The following MMS22L variants were observed in gnomAD, a reference collection of about 807,000 sequenced individuals.
MMS22L encodes the protein protein MMS22-like.
Under a neutral mutation model 159.1 loss-of-function variants are expected in MMS22L, and 74 were observed. That is an observed-to-expected ratio of 0.47 (90% CI 0.39 to 0.56). MMS22L has a LOEUF of 0.56. Ranked by LOEUF, MMS22L falls within the 20% of genes least tolerant of loss-of-function variation. The pLI is 0.00. For synonymous variants in MMS22L, 517 were observed against 506.9 expected (o/e 1.02, Z -0.27); for missense variants, 1,351 against 1,422.1 (o/e 0.95, Z 0.80).
At position 97,145,551 on chromosome 6, in the gene MMS22L, G is replaced by C. The variant is rs933962564; in HGVS notation, c.*1255C>G. The C allele has an allele frequency of 6.6e-6, 1 of 152,186 alleles. No individual in the cohort carries two copies. 9.4% of individuals were successfully genotyped at this position (152,186 alleles called of 1,614,324 possible). ...CATCTGGGACATATCATTAGAGAAA[G>C]ATAAAATTGAGAGGTGTTCTTTGCC... On this transcript the variant is annotated 3_prime_UTR_variant, in exon 25 of 25. Transcript: ENST00000683635.
intron 8 of MMS22L, chr6:97,263,715 T>A (rs984256229): frequency 4.4e-6 from 1 of 225,226 alleles, no homozygotes; most frequent in African/African-American, 2.3e-5. Flanking sequence ...TCTCTTTTTT[T>A]TTTCTTTTTG....
upstream of MMS22L, chr6:97,283,635 A>C (rs1278573979): frequency 6.6e-6 from 1 of 152,250 alleles, no homozygotes; most frequent in Non-Finnish European, 1.5e-5. Flanking sequence ...TCTCTGTAAC[A>C]GATGGAACAA....
In MMS22L at chr6:97,148,324, G is replaced by A. The variant is rs377513638; in HGVS notation, c.3651-1437C>T. On this transcript the variant is annotated intron_variant, in intron 24 of 24. Coordinates refer to ENST00000683635, the MANE Select transcript of MMS22L (RefSeq NM_001350599.2). Reference sequence around the variant, plus strand: ...TTACTTTTTATTGTTATTTTAGAGTGTACTCCTCTTTATACTTATAAAAAT... The same window carrying A: ...TTACTTTTTATTGTTATTTTAGAGTATACTCCTCTTTATACTTATAAAAAT... Among the ~76,000 whole-genome samples the A allele has an allele frequency of 4.7e-4, 72 of 152,260 alleles. 2 individuals carry two copies. Among genetic ancestry groups the A allele is most frequent in the Middle Eastern group, 3.4e-3 (1 of 294 alleles).
At chr6:97,215,567 T>A (rs2127960035) in intron 14 of MMS22L, among the ~76,000 whole-genome samples, 1 of 152,166 alleles carries the variant, frequency 6.6e-6, no homozygotes, top group East Asian at 1.9e-4. Flanking sequence ...CTGTGGCCCA[T>A]GTGCTAGGCA....
At chr6:97,258,050 A>C (rs1447610873) in intron 9 of MMS22L, among the ~76,000 whole-genome samples, 1 of 152,092 alleles carries the variant, frequency 6.6e-6, no homozygotes, top group Admixed American at 6.6e-5. Flanking sequence ...CCCTTTTCCC[A>C]ATTTGTTTAT....
intron 20 of MMS22L, among the ~76,000 whole-genome samples, chr6:97,166,432 T>C (rs1802963485): frequency 6.6e-6 from 1 of 152,078 alleles, no homozygotes; most frequent in Non-Finnish European, 1.5e-5. Context: ...CAATAAGAAA[T>C]TCTGAAAGTT....
chr6:97,206,011 C>T (rs1409939109), intron 14 of MMS22L, among the ~76,000 whole-genome samples: 1 of 152,102 alleles, frequency 6.6e-6, no homozygotes, highest in Non-Finnish European at 1.5e-5. Context: ...AAAGTTTAAG[C>T]ACCAAGGATA....
At chr6:97,154,865 ACATGTTTTGAAAT>A (rs1419530484) in intron 22 of MMS22L, among the ~76,000 whole-genome samples, 2 of 152,128 alleles carry the variant, frequency 1.3e-5, no homozygotes, top group Non-Finnish European at 2.9e-5. Context: ...TTGCTTTGTA[ACATGTTTTGAAAT>A]CAAGAAGTAT....
chr6:97,190,591 C>T (rs1248067595), intron 14 of MMS22L, among the ~76,000 whole-genome samples: 1 of 152,188 alleles, frequency 6.6e-6, no homozygotes, highest in Non-Finnish European at 1.5e-5. Flanking sequence ...CCAGCATTTA[C>T]TGGTATTTAC....
chr6:97,236,304 C>CAGAGT (rs1244229867), intron 11 of MMS22L, among the ~76,000 whole-genome samples: 1 of 116,828 alleles, frequency 8.6e-6, no homozygotes, highest in African/African-American at 3.5e-5. Context: ...CACTGGGAGA[C>CAGAGT]AGAGTGACAC....
intron 14 of MMS22L, among the ~76,000 whole-genome samples, chr6:97,209,219 T>G (rs917428198): frequency 6.6e-6 from 1 of 152,092 alleles, no homozygotes; most frequent in Non-Finnish European, 1.5e-5. Flanking sequence ...GTTATACACA[T>G]GTACGGTTTA....
chr6:97,251,017 A>T (rs1813182821), intron 10 of MMS22L, among the ~76,000 whole-genome samples: 1 of 152,198 alleles, frequency 6.6e-6, no homozygotes, highest in Non-Finnish European at 1.5e-5. Context: ...CCAAACTAAC[A>T]TCTTATATAA....
At chr6:97,204,722 G>A (rs1221203720) in intron 14 of MMS22L, among the ~76,000 whole-genome samples, 1 of 147,976 alleles carries the variant, frequency 6.8e-6, no homozygotes, top group African/African-American at 2.5e-5. Flanking sequence ...TTGAGCCAGG[G>A]AGATTTAGGC....
chr6:97,212,814 G>T (rs1808534906), intron 14 of MMS22L, among the ~76,000 whole-genome samples: 1 of 152,138 alleles, frequency 6.6e-6, no homozygotes, highest in African/African-American at 2.4e-5. Context: ...TTGCTCGAAT[G>T]GTTTTGACAA....
Position 97,142,631 on chromosome 6 carries a change from A to T in MMS22L, c.*4175T>A, listed in dbSNP as rs1433677098. Reference sequence around the variant, plus strand: ...AACTTTTGGTGAGGTTTCTGTATCTATTTACCTTTTAGACATGGGGAGACA... The same window carrying T: ...AACTTTTGGTGAGGTTTCTGTATCTTTTTACCTTTTAGACATGGGGAGACA... On this transcript the variant is annotated 3_prime_UTR_variant, in exon 25 of 25. Coordinates refer to ENST00000683635, the MANE Select transcript of MMS22L (RefSeq NM_001350599.2). 3 of 152,092 alleles carry T rather than the reference A, an allele frequency of 2.0e-5. No individual in the cohort carries two copies. The highest frequency in any genetic ancestry group is 7.2e-5 in the African/African-American group (3 of 41,436). 9.4% of individuals were successfully genotyped at this position (152,092 alleles called of 1,614,324 possible). A position where few individuals can be genotyped will look rare whatever the true frequency, so the allele number is the denominator to read the frequency against.
intron 18 of MMS22L, among the ~76,000 whole-genome samples, chr6:97,174,578 C>G (rs1292729595): frequency 6.6e-6 from 1 of 151,998 alleles, no homozygotes; most frequent in Non-Finnish European, 1.5e-5. Context: ...GGAAGTGAGG[C>G]CTTGGGAGAA....
chr6:97,193,720 C>T (rs893487748), intron 14 of MMS22L, among the ~76,000 whole-genome samples: 7 of 152,134 alleles, frequency 4.6e-5, no homozygotes, highest in African/African-American at 1.2e-4. Context: ...TAATTCCTGA[C>T]GCAGTTGGTC....
chr6:97,182,067 T>A lies in MMS22L; in HGVS notation c.2234-13A>T, dbSNP rs2128275150. The stretch of plus-strand genomic sequence containing the variant: ...AGCAAAGTAAAGTCTAGATTCAAAA[T>A]GAGAGAAACTTAAAGTCAGGAATCT... On this transcript the variant is annotated splice_polypyrimidine_tract_variant and intron_variant, in intron 15 of 24. Coordinates refer to ENST00000683635, the MANE Select transcript of MMS22L (RefSeq NM_001350599.2). 1 of 1,600,510 alleles carries A rather than the reference T, an allele frequency of 6.2e-7. No individual in the cohort carries two copies. Among genetic ancestry groups the A allele is most frequent in the Middle Eastern group, 1.7e-4 (1 of 5,984 alleles).
intron 14 of MMS22L, among the ~76,000 whole-genome samples, chr6:97,214,831 CTG>C (rs996725548): frequency 1.3e-5 from 2 of 151,150 alleles, no homozygotes; most frequent in African/African-American, 4.8e-5. Flanking sequence ...GCCTTTCAAA[CTG>C]TGCTAACACT....
Sources: allele counts gnomAD v4.1 joint callset (sites outside exome capture counted in the v4.1 genomes callset), GRCh38; gene constraint gnomAD v4.1.1; transcripts MANE v1.5; gene names NCBI Gene and HGNC (gene_info 2026-07-23, HGNC 2026-07-21).